Variants in SPTSSA observed in about 807,000 individuals in gnomAD.
The protein encoded by SPTSSA is small subunit of serine palmitoyltransferase A.
In SPTSSA, 8 loss-of-function variants were observed where a neutral mutation model predicts 9.1. That is an observed-to-expected ratio of 0.88 (90% CI 0.51 to 1.58). The LOEUF (loss-of-function observed/expected upper bound fraction) is 1.58, where lower values mean the gene tolerates loss of function less well. Ranked by LOEUF, SPTSSA falls within the 40% of genes most tolerant of loss-of-function variation. The pLI, the probability that SPTSSA is intolerant of heterozygous loss-of-function variation, is 0.00. For synonymous variants in SPTSSA, 42 were observed against 37.7 expected (o/e 1.11, Z -0.41); for missense variants, 100 against 93.8 (o/e 1.07, Z -0.27).
intron 1 of SPTSSA, among the ~76,000 whole-genome samples, chr14:34,444,887 T>C (rs139416258): frequency 0.013 from 1,901 of 150,790 alleles, 44 homozygotes; most frequent in African/African-American, 0.044. Context: ...AGGTCAGGAG[T>C]TCGAGACCAG....
At chr14:34,459,458 CAA>C (rs778799046) in intron 1 of SPTSSA, among the ~76,000 whole-genome samples, 5 of 108,420 alleles carry the variant, frequency 4.6e-5, no homozygotes, top group Admixed American at 1.0e-4. Flanking sequence ...GACACCGTCT[CAA>C]AAAAAAAAAA....
In SPTSSA at chr14:34,460,231, G is replaced by T. The variant is rs534708434; in HGVS notation, c.112+1865C>A. On this transcript the variant is annotated intron_variant, in intron 1 of 1. Transcript: ENST00000298130. ...CAAGACTGGCTTATGTCAAACAATT[G>T]CATTTCTAACCTGAGTTAATTCAAT... Among the ~76,000 whole-genome samples, 10 of 152,136 alleles carry T rather than the reference G, an allele frequency of 6.6e-5. No homozygotes were observed. The East Asian group carries it at 1.7e-3, about 26-fold the overall frequency.
At chr14:34,455,792 C>T (rs1413466997) in intron 1 of SPTSSA, among the ~76,000 whole-genome samples, 1 of 151,636 alleles carries the variant, frequency 6.6e-6, no homozygotes, top group East Asian at 1.9e-4. Flanking sequence ...ATTACCTGGG[C>T]ATGGTGGCGT....
intron 1 of SPTSSA, among the ~76,000 whole-genome samples, chr14:34,459,352 C>T (rs1480997664): frequency 2.0e-5 from 3 of 146,372 alleles, no homozygotes; most frequent in Non-Finnish European, 4.5e-5. Flanking sequence ...CCAGCTACCT[C>T]AGAAGGCTGA....
intron 1 of SPTSSA, among the ~76,000 whole-genome samples, chr14:34,442,282 A>C (rs10146788): frequency 0.09 from 13,699 of 152,198 alleles, 1,289 homozygotes; most frequent in African/African-American, 0.23. Context: ...TTTCAGGGGA[A>C]TTAAATCTTC....
intron 1 of SPTSSA, among the ~76,000 whole-genome samples, chr14:34,449,087 T>C (rs1365336150): frequency 1.3e-5 from 2 of 151,934 alleles, no homozygotes; most frequent in Non-Finnish European, 2.9e-5. Flanking sequence ...AGTGAGGAAC[T>C]TCTAATAATC....
intron 1 of SPTSSA, among the ~76,000 whole-genome samples, chr14:34,441,598 C>T (rs1471044754): frequency 6.6e-6 from 1 of 152,078 alleles, no homozygotes; most frequent in African/African-American, 2.4e-5. Context: ...AAGAGGTAAA[C>T]CTAAAGTTTG....
At chr14:34,442,297 C>G (rs1883330566) in intron 1 of SPTSSA, among the ~76,000 whole-genome samples, 1 of 152,216 alleles carries the variant, frequency 6.6e-6, no homozygotes, top group South Asian at 2.1e-4. Context: ...ATCTTCTTTT[C>G]TTACACTAAA....
intron 1 of SPTSSA, among the ~76,000 whole-genome samples, chr14:34,460,728 TA>T (rs1878601717): frequency 6.6e-6 from 1 of 152,214 alleles, no homozygotes; most frequent in Non-Finnish European, 1.5e-5. Context: ...AGACTTCTAT[TA>T]AATATGCATT....
chr14:34,457,169 G>T (rs1878501930), intron 1 of SPTSSA, among the ~76,000 whole-genome samples: 1 of 151,842 alleles, frequency 6.6e-6, no homozygotes, highest in Non-Finnish European at 1.5e-5. Flanking sequence ...GTAGAGACAA[G>T]AATTCACCAT....
chr14:34,448,048 A>G (rs760012631), intron 1 of SPTSSA, among the ~76,000 whole-genome samples: 45 of 152,130 alleles, frequency 3.0e-4, no homozygotes, highest in Non-Finnish European at 5.4e-4. Context: ...TGAGGTCAGG[A>G]GTTCAAGACC....
intron 1 of SPTSSA, among the ~76,000 whole-genome samples, chr14:34,444,164 CCTTTTAGTTCATGTGACTTTAGCAAT>C (rs1394810839): frequency 6.6e-6 from 1 of 152,064 alleles, no homozygotes; most frequent in Non-Finnish European, 1.5e-5. Flanking sequence ...AAGTGTAATG[CCTTTTAGTTCATGTGACTTTAGCAAT>C]CTTTGGGAAA....
intron 1 of SPTSSA, among the ~76,000 whole-genome samples, chr14:34,445,251 C>A (rs1883401855): frequency 6.6e-6 from 1 of 151,636 alleles, no homozygotes; most frequent in African/African-American, 2.4e-5. Flanking sequence ...GCCTGTAATC[C>A]CAACACTCTG....
intron 1 of SPTSSA, among the ~76,000 whole-genome samples, chr14:34,458,770 G>C (rs1314271763): frequency 2.0e-5 from 3 of 148,842 alleles, no homozygotes; most frequent in Non-Finnish European, 4.4e-5. Flanking sequence ...ATTTACAACA[G>C]CTTTTAACTA....
intron 1 of SPTSSA, among the ~76,000 whole-genome samples, chr14:34,446,631 G>A (rs1012956070): frequency 6.6e-6 from 1 of 152,198 alleles, no homozygotes; most frequent in East Asian, 1.9e-4. Context: ...GGGTTAAAGA[G>A]AACATTGCCA....
At chr14:34,462,067 C>A (rs753853621) in intron 1 of SPTSSA, 29 bp downstream of exon 1, 4 of 1,343,400 alleles carry the variant, frequency 3.0e-6, no homozygotes, top group Admixed American at 2.9e-5. Context: ...CCCAGCCCGG[C>A]CCCCGCGCGC....
At chr14:34,459,557 G>A (rs1878572917) in intron 1 of SPTSSA, among the ~76,000 whole-genome samples, 1 of 151,976 alleles carries the variant, frequency 6.6e-6, no homozygotes, top group Admixed American at 6.6e-5. Flanking sequence ...GCAGTGGGCA[G>A]ATCACTTGAG....
intron 1 of SPTSSA, among the ~76,000 whole-genome samples, chr14:34,443,409 T>G (rs1356642945): frequency 1.2e-4 from 1 of 8,684 alleles, no homozygotes; most frequent in Non-Finnish European, 2.3e-4. Flanking sequence ...GAGATGGAGT[T>G]TTCCTCTCAT....
In SPTSSA at chr14:34,459,410, G is replaced by A. The variant is rs183837728; in HGVS notation, c.112+2686C>T. ...GGGATGCAAAGTTGCAGTGAGCCAA[G>A]ATTGCACCACCACACTCCAGCCTCG... On this transcript the variant is annotated intron_variant, in intron 1 of 1. Transcript: ENST00000298130. Among the ~76,000 whole-genome samples the A allele has an allele frequency of 1.5e-3, 219 of 146,412 alleles. 2 individuals are homozygous for A. The highest frequency in any genetic ancestry group is 3.6e-3 in the Middle Eastern group (1 of 276).
Sources: gnomAD v4.1 joint callset for allele counts (sites outside exome capture counted in the v4.1 genomes callset) on GRCh38, gnomAD v4.1.1 for gene constraint, MANE v1.5 for transcripts, NCBI Gene and HGNC (gene_info 2026-07-23, HGNC 2026-07-21) for gene names.